The following SHROOM2 variants were observed in gnomAD, a reference collection of about 807,000 sequenced individuals.
The protein encoded by SHROOM2 is shroom family member 2, also known as protein Shroom2.
In SHROOM2, 33 loss-of-function variants were observed where a neutral mutation model predicts 75.9. The observed-to-expected ratio is 0.43, with a 90% CI of 0.33 to 0.58. The LOEUF (loss-of-function observed/expected upper bound fraction) is 0.58. Among genes scored for constraint, SHROOM2 ranks in the 20% least tolerant of loss-of-function variants. SHROOM2 has a pLI of 0.04. For missense variants in SHROOM2, 1,434 were observed against 1,461.2 expected (o/e 0.98, Z 0.30); for synonymous variants, 655 against 663.6 (o/e 0.99, Z 0.20).
chrX:9,898,106 C>A, intron 4 of SHROOM2, 84 bp from the exon 5 acceptor site: 1 of 832,502 alleles, frequency 1.2e-6, no homozygotes, highest in Non-Finnish European at 1.8e-6. Context: ...CAAGGCAAAC[C>A]CACAAATGAG....
At chrX:9,945,464 C>T (rs1349866862) in intron 9 of SHROOM2, among the ~76,000 whole-genome samples, 1 of 111,353 alleles carries the variant, frequency 9.0e-6, no homozygotes, top group Non-Finnish European at 1.9e-5. Context: ...GGAGTTGAAC[C>T]GTCATTGGAC....
chrX:9,851,459 C>CT (rs58104608), intron 1 of SHROOM2, among the ~76,000 whole-genome samples: 1 of 80,098 alleles, frequency 1.2e-5, no homozygotes, highest in African/African-American at 4.9e-5. Context: ...TTTTTTTTTT[C>CT]TTTTTTTTTT....
chrX:9,819,673 A>C (rs968566844), intron 1 of SHROOM2, among the ~76,000 whole-genome samples: 1 of 111,734 alleles, frequency 8.9e-6, no homozygotes, highest in Admixed American at 9.5e-5. Flanking sequence ...GGCTGCGCAA[A>C]AGCTCTTCTG....
intron 1 of SHROOM2, chrX:9,818,658 C>G: frequency 5.4e-6 from 2 of 372,735 alleles, no homozygotes; most frequent in East Asian, 6.0e-5. Flanking sequence ...GTTCTCTAAT[C>G]TCCTCTTTAA....
Position 9,932,423 on chromosome X carries a change from A to T in SHROOM2, c.3140A>T (p.Asp1047Val), listed in dbSNP as rs1001721378. ...PGSPLHARGQ[D>V]SWPVSSALLS... ...TCACCCCTGCATGCTCGAGGACAAG[A>T]CTCGTGGCCAGTGAGCTCAGCCCTG... Residue 1047 changes from aspartate (D) to valine (V), a missense_variant, in exon 6 of 10, where the codon GAC (aspartate) becomes GTC (valine). Physicochemically the swap from Asp to Val is radical, Grantham distance 152. This residue lies in a region of SHROOM2 where 1,340 missense variants were observed against 1,338.3 expected (regional missense o/e 1.00). Coordinates refer to ENST00000380913, the MANE Select transcript of SHROOM2 (RefSeq NM_001649.4). 8.3e-7 allele frequency: 1 copy of T among 1,206,357 alleles called. No individual in the cohort carries two copies. The highest frequency in any genetic ancestry group is 1.8e-5 in the African/African-American group (1 of 57,085).
intron 1 of SHROOM2, chrX:9,819,273 C>G (rs2146747706): frequency 1.5e-6 from 1 of 683,072 alleles, no homozygotes; most frequent in Non-Finnish European, 2.3e-6. Context: ...CTCCTGAGAT[C>G]CATTCACAAT....
At chrX:9,814,863 G>A (rs757702404) in intron 1 of SHROOM2, among the ~76,000 whole-genome samples, 1 of 111,712 alleles carries the variant, frequency 9.0e-6, no homozygotes, top group South Asian at 3.8e-4. Context: ...GACACCTGGC[G>A]AGGCTGTGCA....
intron 4 of SHROOM2, among the ~76,000 whole-genome samples, chrX:9,897,680 C>CAAAAAAAAAAAAAAAAAAAAAAAAAAA (rs56026461): frequency 5.7e-5 from 4 of 70,613 alleles, no homozygotes; most frequent in African/African-American, 2.4e-4. Flanking sequence ...GACCCTGTCT[C>CAAAAAAAAAAAAAAAAAAAAAAAAAAA]AAAAAAAAAA....
At chrX:9,788,206 C>T (rs928461914) in intron 1 of SHROOM2, among the ~76,000 whole-genome samples, 4 of 110,583 alleles carry the variant, frequency 3.6e-5, no homozygotes, top group African/African-American at 1.3e-4. Context: ...GTGGATTAAT[C>T]CAAGCTTTGA....
chrX:9,805,077 TA>T (rs757393138), intron 1 of SHROOM2, among the ~76,000 whole-genome samples: 528 of 95,194 alleles, frequency 5.5e-3, no homozygotes, highest in African/African-American at 8.2e-3. Flanking sequence ...TCATGTCTAC[TA>T]AAAAAAAAAA....
intron 1 of SHROOM2, among the ~76,000 whole-genome samples, chrX:9,864,208 C>T (rs2084120634): frequency 9.0e-6 from 1 of 111,185 alleles, no homozygotes; most frequent in Non-Finnish European, 1.9e-5. Flanking sequence ...CATCAGAAGT[C>T]ACAGTCACTC....
chrX:9,875,086 A>AAAAAAAAG, intron 2 of SHROOM2, among the ~76,000 whole-genome samples: 1 of 88,075 alleles, frequency 1.1e-5, no homozygotes, highest in Non-Finnish European at 2.2e-5. Flanking sequence ...GTCTCAAAAA[A>AAAAAAAAG]AAAAAAAAAA....
Position 9,894,510 on chromosome X carries a change from G to T in SHROOM2, c.602G>T (p.Gly201Val). 1 of 1,210,867 alleles carries T rather than the reference G, an allele frequency of 8.3e-7. No homozygotes were observed. The part of the protein sequence containing the change: ...AKSNSSIDHL[G>V]SHSKRDSAYG... ...TCCAACAGCAGCATCGACCACCTGG[G>T]CAGCCACAGCAAGCGCGACTCGGCC... The change falls in exon 4 of 10, where the codon GGC (glycine) becomes GTC (valine). Residue 201 changes from glycine (G) to valine (V), a missense_variant. By Grantham distance (109) the Gly-to-Val change is moderately radical. Around this residue, in one of 3 missense-constraint regions of SHROOM2, gnomAD observed 1,340 missense variants for 1,338.3 expected, o/e 1.00. Coordinates refer to ENST00000380913, the MANE Select transcript of SHROOM2 (RefSeq NM_001649.4).
chrX:9,805,580 TA>T (rs2083746720), intron 1 of SHROOM2, among the ~76,000 whole-genome samples: 1 of 108,372 alleles, frequency 9.2e-6, no homozygotes, highest in Non-Finnish European at 1.9e-5. Flanking sequence ...TACTAAAGAT[TA>T]AAAAATTAGC....
chrX:9,788,376 T>G (rs1569131564), intron 1 of SHROOM2, among the ~76,000 whole-genome samples: 1 of 111,587 alleles, frequency 9.0e-6, no homozygotes, highest in Non-Finnish European at 1.9e-5. Flanking sequence ...GATTTGGGGA[T>G]AGCTTGCATT....
At chrX:9,834,561 G>A (rs777606413) in intron 1 of SHROOM2, among the ~76,000 whole-genome samples, 8 of 111,494 alleles carry the variant, frequency 7.2e-5, no homozygotes, top group Admixed American at 2.9e-4. Flanking sequence ...GGCTCATTGC[G>A]AAGTAAATTG....
Position 9,948,327 on chromosome X carries a change from A to G in SHROOM2, c.*1390A>G, listed in dbSNP as rs1438265603. The stretch of plus-strand genomic sequence containing the variant: ...ATTGTAGATTCAGTGTATTTCTTCA[A>G]AAAATGTTTAATTAAATGCATGTTA... On this transcript the variant is annotated 3_prime_UTR_variant, in exon 10 of 10. Coordinates refer to ENST00000380913, the MANE Select transcript of SHROOM2 (RefSeq NM_001649.4). 8.9e-6 allele frequency: 1 copy of G among 112,945 alleles called. No homozygotes were observed. The highest frequency in any genetic ancestry group is 3.6e-4 in the South Asian group (1 of 2,773). The allele number at this position is 112,945 out of a possible 1,213,427, so 9.3% of individuals were successfully genotyped here. A position where few individuals can be genotyped will look rare whatever the true frequency, so the allele number is the denominator to read the frequency against.
rs771667148 is a variant in SHROOM2 at position 9,937,664 on chromosome X, C to G, written c.4118C>G (p.Ser1373Cys). Residue 1373 changes from serine (S) to cysteine (C), a missense_variant, in exon 7 of 10, where the codon TCT (serine) becomes TGT (cysteine). Ser to Cys is a moderately radical substitution (Grantham distance 112). Around this residue, in one of 3 missense-constraint regions of SHROOM2, gnomAD observed 1,340 missense variants for 1,338.3 expected, o/e 1.00. Transcript: ENST00000380913. ...AGGAAGCTGCTCCCCAAAATCCCCTCTCCTAGAAGCACAGAGGAGAGGTGA... is the reference window on the plus strand; with the variant it reads ...AGGAAGCTGCTCCCCAAAATCCCCTGTCCTAGAAGCACAGAGGAGAGGTGA... ...QRRKLLPKIPSPRSTEERKEE... is the reference protein window; with the variant it reads ...QRRKLLPKIPCPRSTEERKEE... 2.5e-6 allele frequency: 3 copies of G among 1,192,766 alleles called. No individual in the cohort carries two copies. The highest frequency in any genetic ancestry group is 2.3e-5 in the Admixed American group (1 of 43,728).
intron 1 of SHROOM2, among the ~76,000 whole-genome samples, chrX:9,871,866 T>A (rs1413821335): frequency 1.8e-5 from 2 of 112,048 alleles, no homozygotes; most frequent in African/African-American, 6.5e-5. Flanking sequence ...AGCTTCAGGC[T>A]CACTCTTGGA....
Sources: allele counts gnomAD v4.1 joint callset (sites outside exome capture counted in the v4.1 genomes callset), GRCh38; gene constraint gnomAD v4.1.1; regional missense constraint gnomAD v4.1.1; transcripts MANE v1.5; gene names NCBI Gene and HGNC (gene_info 2026-07-23, HGNC 2026-07-21).